The following BIRC2 variants were observed in gnomAD, a reference collection of about 807,000 sequenced individuals.
The protein encoded by BIRC2 is baculoviral IAP repeat containing 2, also known as baculoviral IAP repeat-containing protein 2.
Under a neutral mutation model 60.9 loss-of-function variants are expected in BIRC2, and 18 were observed. The ratio of observed to expected loss-of-function variants is 0.30; its 90% CI spans 0.20 to 0.44. BIRC2 has a LOEUF of 0.44. BIRC2 is among the 20% of genes least tolerant of loss of function. The pLI is 1.00. For missense variants in BIRC2, 701 were observed against 728.5 expected (o/e 0.96, Z 0.43); for synonymous variants, 282 against 247.7 (o/e 1.14, Z -1.30).
intron 3 of BIRC2, among the ~76,000 whole-genome samples, chr11:102,356,845 A>T (rs1199427638): frequency 2.0e-5 from 3 of 151,464 alleles, no homozygotes; most frequent in Non-Finnish European, 4.4e-5. Context: ...CACCCAGCTA[A>T]TTTTTGTATT....
chr11:102,377,607 A>T lies in BIRC2; in HGVS notation c.1478A>T (p.His493Leu), dbSNP rs1206715931. The T allele has an allele frequency of 6.2e-7, 1 of 1,612,060 alleles. No homozygotes were observed. Among genetic ancestry groups the T allele is most frequent in the Non-Finnish European group, 8.5e-7 (1 of 1,179,210 alleles). ...GCCAATGTAATTAATAAACAGGAAC[A>T]TGATATTATTAAACAAAAAACACAG... ...LKANVINKQE[H>L]DIIKQKTQIP... Residue 493 changes from histidine to leucine, a missense_variant, in exon 7 of 9, where the codon CAT (histidine) becomes CTT (leucine). By Grantham distance (99) the His-to-Leu change is moderately conservative. Transcript: ENST00000227758.
intron 6 of BIRC2, among the ~76,000 whole-genome samples, chr11:102,369,396 T>C (rs1951596095): frequency 6.7e-6 from 1 of 149,230 alleles, no homozygotes; most frequent in Non-Finnish European, 1.5e-5. Flanking sequence ...TTCCCACCTA[T>C]GAGTGAGAAT....
chr11:102,356,420 A>G (rs956865385), intron 3 of BIRC2, among the ~76,000 whole-genome samples: 2 of 150,798 alleles, frequency 1.3e-5, no homozygotes, highest in East Asian at 3.9e-4. Context: ...CTGGTCTCCA[A>G]CTCCTGACCT....
intron 6 of BIRC2, among the ~76,000 whole-genome samples, chr11:102,375,389 A>G (rs1207049828): frequency 6.6e-6 from 1 of 152,196 alleles, no homozygotes; most frequent in African/African-American, 2.4e-5. Flanking sequence ...TTAAGCTTGT[A>G]AGTAAAGACA....
At chr11:102,368,851 T>C (rs1159522898) in intron 6 of BIRC2, among the ~76,000 whole-genome samples, 5 of 152,158 alleles carry the variant, frequency 3.3e-5, no homozygotes, top group Non-Finnish European at 5.9e-5. Flanking sequence ...ACATAACAAA[T>C]TTAAATTGTT....
intron 3 of BIRC2, among the ~76,000 whole-genome samples, chr11:102,356,918 T>TGC (rs1951429545): frequency 6.6e-6 from 1 of 150,784 alleles, no homozygotes; most frequent in Non-Finnish European, 1.5e-5. Flanking sequence ...GATCCACCCA[T>TGC]CTTGGCCTCC....
At chr11:102,368,897 T>G (rs183463344) in intron 6 of BIRC2, among the ~76,000 whole-genome samples, 330 of 152,122 alleles carry the variant, frequency 2.2e-3, no homozygotes, top group Admixed American at 3.8e-3. Flanking sequence ...GATGCAGGTC[T>G]TTTTTCAACC....
intron 3 of BIRC2, among the ~76,000 whole-genome samples, chr11:102,355,382 A>T (rs1383748725): frequency 2.6e-5 from 4 of 152,170 alleles, no homozygotes; most frequent in Admixed American, 1.3e-4. Flanking sequence ...TATCATTTCA[A>T]CATTGTGTGT....
At chr11:102,350,804 A>C (rs202008324) in intron 2 of BIRC2, 40 bp from the exon 3 acceptor site, 2 of 1,610,150 alleles carry the variant, frequency 1.2e-6, no homozygotes, top group South Asian at 2.2e-5. Context: ...ACATATTAGA[A>C]CATACGTGTT....
chr11:102,377,945 T>A (rs1951733780), intron 8 of BIRC2, 45 bp from the exon 9 acceptor site: 2 of 1,601,274 alleles, frequency 1.2e-6, no homozygotes, highest in Non-Finnish European at 1.7e-6. Context: ...CCTTTTTTTT[T>A]AATGAAGTGG....
intron 4 of BIRC2, 71 bp downstream of exon 4, chr11:102,363,045 T>C (rs1333586724): frequency 8.5e-7 from 1 of 1,181,134 alleles, no homozygotes; most frequent in African/African-American, 1.5e-5. Flanking sequence ...TAGGTTGGTA[T>C]AAAAGTGATC....
chr11:102,363,616 A>G, intron 4 of BIRC2, 52 bp from the exon 5 acceptor site: 1 of 1,392,826 alleles, frequency 7.2e-7, no homozygotes. Flanking sequence ...TGTTCTTTTC[A>G]GATTGTTGGG....
At chr11:102,364,266 T>C (rs138753678) in intron 5 of BIRC2, among the ~76,000 whole-genome samples, 223 of 147,964 alleles carry the variant, frequency 1.5e-3, no homozygotes, top group African/African-American at 5.3e-3. Flanking sequence ...TTTGTTCTAG[T>C]GCTATACTTA....
chr11:102,361,233 C>T (rs2135812254), intron 3 of BIRC2, among the ~76,000 whole-genome samples: 1 of 152,234 alleles, frequency 6.6e-6, no homozygotes, highest in East Asian at 1.9e-4. Context: ...TGTTGACTAG[C>T]CTGCAGCAGT....
intron 1 of BIRC2, 67 bp from the exon 2 acceptor site, chr11:102,348,531 G>T (rs573195339): frequency 5.9e-6 from 1 of 170,424 alleles, no homozygotes; most frequent in East Asian, 1.8e-4. Context: ...ATAAATTGAA[G>T]AGTATGTAAG....
chr11:102,359,079 G>C (rs570137230), intron 3 of BIRC2, among the ~76,000 whole-genome samples: 1 of 152,092 alleles, frequency 6.6e-6, no homozygotes, highest in Non-Finnish European at 1.5e-5. Flanking sequence ...ATTTTCTGTG[G>C]TGGTATGCTT....
Position 102,368,498 on chromosome 11 carries a change from A to G in BIRC2, c.1316A>G (p.Asp439Gly). ...DIVSALLNAE[D>G]EKREEEKEKQ... ...GTGTCAGCACTTCTTAATGCTGAAGATGAAAAAAGAGAAGAGGAGAAGGAA... is the reference window on the plus strand; with the variant it reads ...GTGTCAGCACTTCTTAATGCTGAAGGTGAAAAAAGAGAAGAGGAGAAGGAA... The change falls in exon 6 of 9, where the codon GAT becomes GGT. Residue 439 changes from aspartate to glycine, a missense_variant. Around this residue, in one of 4 missense-constraint regions of BIRC2, gnomAD observed 235 missense variants for 208.9 expected, o/e 1.12. Transcript: ENST00000227758. 1.2e-6 allele frequency: 2 copies of G among 1,613,938 alleles called. No individual in the cohort carries two copies. The highest frequency in any genetic ancestry group is 2.2e-5 in the East Asian group (1 of 44,840).
rs1210697503 is a variant in BIRC2 at position 102,364,162 on chromosome 11, TATATATATATATAC to T, written c.1123+448_1123+461del. ...TATTATATATATATATATATATATA[TATATATATATATAC>T]ACACACACACAGAGAGAGAGAGAGA... On this transcript the variant is annotated intron_variant, in intron 5 of 8. Transcript: ENST00000227758. Among the ~76,000 whole-genome samples, 662 of 92,768 alleles carry T rather than the reference TATATATATATATAC, an allele frequency of 7.1e-3. 7 individuals carry two copies. Among genetic ancestry groups the T allele is most frequent in the Admixed American group, 0.012 (110 of 9,350 alleles). 60.9% of individuals were successfully genotyped at this position (92,768 alleles called of 152,430 possible). A position where few individuals can be genotyped will look rare whatever the true frequency, so the allele number is the denominator to read the frequency against.
intron 3 of BIRC2, among the ~76,000 whole-genome samples, chr11:102,358,019 A>G (rs941590337): frequency 4.0e-5 from 6 of 151,866 alleles, no homozygotes; most frequent in African/African-American, 1.5e-4. Flanking sequence ...ATTTTGTTCA[A>G]TTTCCACATA....
Sources: allele counts gnomAD v4.1 joint callset (sites outside exome capture counted in the v4.1 genomes callset), GRCh38; gene constraint gnomAD v4.1.1; regional missense constraint gnomAD v4.1.1; transcripts MANE v1.5; gene names NCBI Gene and HGNC (gene_info 2026-07-23, HGNC 2026-07-21).